Variants in ARL6IP5 observed in about 807,000 individuals in gnomAD.
ARL6IP5 encodes the protein PRA1 family protein 3.
ARL6IP5 carries 6 observed loss-of-function variants against 13.0 expected under a neutral mutation model. That is an observed-to-expected ratio of 0.46 (90% CI 0.25 to 0.91). The LOEUF (loss-of-function observed/expected upper bound fraction) is 0.91. ARL6IP5 is among the 40% of genes least tolerant of loss of function. The pLI is 0.17. For synonymous variants in ARL6IP5, 91 were observed against 91.9 expected (o/e 0.99, Z 0.06); for missense variants, 208 against 248.8 (o/e 0.84, Z 1.10).
Position 69,102,034 on chromosome 3 carries a change from T to G in ARL6IP5, c.372T>G (p.Phe124Leu). The G allele has an allele frequency of 6.2e-7, 1 of 1,614,184 alleles. No individual in the cohort carries two copies. The highest frequency in any genetic ancestry group is 8.5e-7 in the Non-Finnish European group (1 of 1,180,020). Residue 124 changes from phenylalanine to leucine, a missense_variant, in exon 2 of 3, where the codon TTT (phenylalanine) becomes TTG (leucine). Transcript: ENST00000273258. ...SMFGGVMVFV[F>L]GITFPLLLMF... is the part of the protein sequence containing the mutation. The stretch of plus-strand genomic sequence containing the variant: ...TTGGAGGAGTCATGGTCTTTGTGTT[T>G]GGCATTACTTTTCCTTTGCTGTGTA...
intron 1 of ARL6IP5, chr3:69,089,897 A>G: frequency 2.2e-6 from 1 of 455,784 alleles, no homozygotes; most frequent in Non-Finnish European, 4.4e-6. Context: ...CATTTGGCCT[A>G]TGGAGATGTT....
chr3:69,102,490 G>T (rs910179504), intron 2 of ARL6IP5, among the ~76,000 whole-genome samples: 1 of 152,140 alleles, frequency 6.6e-6, no homozygotes, highest in African/African-American at 2.4e-5. Context: ...GGACTCCCAA[G>T]CTTGAGTGAT....
At chr3:69,098,157 C>G (rs916416449) in intron 1 of ARL6IP5, among the ~76,000 whole-genome samples, 1 of 149,970 alleles carries the variant, frequency 6.7e-6, no homozygotes, top group Non-Finnish European at 1.5e-5. Context: ...GCTCACTGCA[C>G]CCTCTGCCTC....
At position 69,099,134 on chromosome 3, in the gene ARL6IP5, G is replaced by A. The variant is rs111837542; in HGVS notation, c.177-2705G>A. ...CACTTTGGGAGGCTGAGGGGCGGGG[G>A]GGGTGGGGGGTGGATCACATGAGGT... On this transcript the variant is annotated intron_variant, in intron 1 of 2. Coordinates refer to ENST00000273258, the MANE Select transcript of ARL6IP5 (RefSeq NM_006407.4). Among the ~76,000 whole-genome samples the A allele has an allele frequency of 7.1e-5, 8 of 112,080 alleles. 1 individual carries two copies. The highest frequency in any genetic ancestry group is 2.5e-4 in the East Asian group (1 of 4,014). The allele number at this position is 112,080 out of a possible 152,430, so 73.5% of individuals were successfully genotyped here. A position where few individuals can be genotyped will look rare whatever the true frequency, so the allele number is the denominator to read the frequency against.
At chr3:69,103,018 A>G (rs1300138007) in intron 2 of ARL6IP5, among the ~76,000 whole-genome samples, 1 of 152,236 alleles carries the variant, frequency 6.6e-6, no homozygotes, top group Non-Finnish European at 1.5e-5. Context: ...TTAACTTTCA[A>G]TAACATTTGA....
intron 2 of ARL6IP5, among the ~76,000 whole-genome samples, chr3:69,103,283 G>A (rs928533201): frequency 1.1e-4 from 16 of 152,132 alleles, no homozygotes; most frequent in Non-Finnish European, 2.2e-4. Context: ...CCAGTGTAAC[G>A]AAATGTATCA....
chr3:69,089,957 G>T (rs1559652352), intron 1 of ARL6IP5: 1 of 434,190 alleles, frequency 2.3e-6, no homozygotes, highest in Admixed American at 2.6e-5. Flanking sequence ...AGTTACTCAA[G>T]ATGGTAAGGA....
In ARL6IP5 at chr3:69,087,005, T is replaced by G. The variant is rs112432455; in HGVS notation, c.176+1782T>G. The stretch of plus-strand genomic sequence containing the variant: ...GAGCCTCTGTGCCTGGCCAAAAATT[T>G]CTTTTTAAAAATTTTTATTATTTAT... On this transcript the variant is annotated intron_variant, in intron 1 of 2. Transcript: ENST00000273258. Among the ~76,000 whole-genome samples, 488 of 152,024 alleles carry G rather than the reference T, an allele frequency of 3.2e-3. 3 individuals are homozygous for G. Among genetic ancestry groups the G allele is most frequent in the African/African-American group, 0.011 (458 of 41,440 alleles).
rs904572938 is a variant in ARL6IP5 at position 69,104,849 on chromosome 3, G to A, written c.*213G>A. The A allele has an allele frequency of 2.8e-6, 2 of 708,306 alleles. No homozygotes were observed. The highest frequency in any genetic ancestry group is 2.0e-5 in the Admixed American group (1 of 49,932). The allele number at this position is 708,306 out of a possible 1,614,324, so 43.9% of individuals were successfully genotyped here. On this transcript the variant is annotated 3_prime_UTR_variant, in exon 3 of 3. Coordinates refer to ENST00000273258, the MANE Select transcript of ARL6IP5 (RefSeq NM_006407.4). ...AAGAAAACCACCACCCTCCTATTGT[G>A]TCTGAAGTTTCACGTGTGTTTATGA...
At chr3:69,087,362 GTTT>G (rs1276662624) in intron 1 of ARL6IP5, among the ~76,000 whole-genome samples, 1 of 151,758 alleles carries the variant, frequency 6.6e-6, no homozygotes, top group African/African-American at 2.4e-5. Flanking sequence ...ATCAATTTTT[GTTT>G]TTTTCTTTCT....
chr3:69,094,518 G>A (rs1013835946), intron 1 of ARL6IP5, among the ~76,000 whole-genome samples: 5 of 152,054 alleles, frequency 3.3e-5, no homozygotes, highest in Admixed American at 1.3e-4. Context: ...GAGAAACATC[G>A]CCAATTTAGA....
chr3:69,093,823 C>T (rs1001515670), intron 1 of ARL6IP5, among the ~76,000 whole-genome samples: 1 of 151,780 alleles, frequency 6.6e-6, no homozygotes, highest in Admixed American at 6.6e-5. Context: ...AGCTGGCACT[C>T]ACCTGTAGTC....
chr3:69,097,738 C>T (rs753341597), intron 1 of ARL6IP5, among the ~76,000 whole-genome samples: 1 of 152,062 alleles, frequency 6.6e-6, no homozygotes, highest in African/African-American at 2.4e-5. Flanking sequence ...TAACACAGAA[C>T]CAAGAGGGAG....
At chr3:69,089,339 T>C (rs1269100949) in intron 1 of ARL6IP5, among the ~76,000 whole-genome samples, 1 of 152,146 alleles carries the variant, frequency 6.6e-6, no homozygotes. Context: ...ACTTCTGAAA[T>C]GTAAAAGCTC....
At position 69,104,691 on chromosome 3, in the gene ARL6IP5, G is replaced by A; in HGVS notation, c.*55G>A. ...AGAAATTGAGTTGCAGCTTGCCCTT[G>A]TCCAGACCTATGTTCTGCTTGCGTT... On this transcript the variant is annotated 3_prime_UTR_variant, in exon 3 of 3. Coordinates refer to ENST00000273258, the MANE Select transcript of ARL6IP5 (RefSeq NM_006407.4). The A allele has an allele frequency of 6.3e-7, 1 of 1,589,436 alleles. No homozygotes were observed. Among genetic ancestry groups the A allele is most frequent in the South Asian group, 1.1e-5 (1 of 88,996 alleles).
intron 1 of ARL6IP5, among the ~76,000 whole-genome samples, chr3:69,095,643 C>T (rs180713856): frequency 1.0e-3 from 158 of 152,052 alleles, no homozygotes; most frequent in African/African-American, 3.5e-3. Flanking sequence ...TACAGGCATG[C>T]GCCACCACGC....
chr3:69,098,851 A>G (rs1276967151), intron 1 of ARL6IP5, among the ~76,000 whole-genome samples: 1 of 152,162 alleles, frequency 6.6e-6, no homozygotes. Flanking sequence ...ATACAATACC[A>G]CAGCTATTGG....
intron 1 of ARL6IP5, among the ~76,000 whole-genome samples, chr3:69,088,129 G>A (rs1371803471): frequency 6.6e-6 from 1 of 152,124 alleles, no homozygotes; most frequent in Non-Finnish European, 1.5e-5. Context: ...TTAGGCTTGT[G>A]CTCTTAACTA....
rs768102919 is a variant in ARL6IP5, at chr3:69,101,958, C to T, written c.296C>T (p.Thr99Met). Residue 99 changes from threonine to methionine, a missense_variant, in exon 2 of 3, where the codon ACG (threonine) becomes ATG (methionine). Physicochemically the swap from Thr to Met is moderately conservative, Grantham distance 81. Transcript: ENST00000273258. ...CGCCGGATGAAGAAGCGCTACCCCA[C>T]GACGTTCGTTATGGTGGTCATGTTG... ...VLRRMKKRYP[T>M]TFVMVVMLAS... is the part of the protein sequence containing the mutation. 1.6e-5 allele frequency: 26 copies of T among 1,613,938 alleles called. No individual in the cohort carries two copies. The highest frequency in any genetic ancestry group is 7.7e-5 in the South Asian group (7 of 91,080).
Sources: allele counts gnomAD v4.1 joint callset (sites outside exome capture counted in the v4.1 genomes callset), GRCh38; gene constraint gnomAD v4.1.1; transcripts MANE v1.5; gene names NCBI Gene and HGNC (gene_info 2026-07-23, HGNC 2026-07-21).